The following ABLIM1 variants were observed in gnomAD, a reference collection of about 807,000 sequenced individuals.
ABLIM1 encodes actin-binding LIM protein 1.
In ABLIM1, 40 loss-of-function variants were observed where a neutral mutation model predicts 107.0. The ratio of observed to expected loss-of-function variants is 0.37; its 90% CI spans 0.29 to 0.49. ABLIM1 has a LOEUF of 0.49. Among genes scored for constraint, ABLIM1 ranks in the 20% least tolerant of loss-of-function variants. ABLIM1 has a pLI of 0.97. For synonymous variants in ABLIM1, 357 were observed against 357.3 expected (o/e 1.00, Z 0.01); for missense variants, 857 against 1,008.5 (o/e 0.85, Z 2.04).
the ABLIM1 span, among the ~76,000 whole-genome samples, chr10:114,782,706 G>A: frequency 6.6e-6 from 1 of 152,094 alleles, no homozygotes; most frequent in Non-Finnish European, 1.5e-5. Flanking sequence ...TGGATTCGAG[G>A]GGAAGAAGAA....
Position 114,453,451 on chromosome 10 carries a change from G to C in ABLIM1, c.1474C>G (p.Leu492Val). The C allele has an allele frequency of 6.2e-7, 1 of 1,611,474 alleles. No homozygotes were observed. Among genetic ancestry groups the C allele is most frequent in the Admixed American group, 1.7e-5 (1 of 59,874 alleles). ...GGGCGGCTGTCTGGCCGGTAAGGGA[G>C]AGGGGAGTTCCGGCCGCTGGACGGC... ...NEPSSGRNSPLPYRPDSRPLT... is the reference protein window; with the variant it reads ...NEPSSGRNSPVPYRPDSRPLT... The change falls in exon 13 of 23, where the codon CTC becomes GTC. Residue 492 changes from leucine to valine, a missense_variant. Coordinates refer to ENST00000533213, the MANE Select transcript of ABLIM1 (RefSeq NM_002313.7).
intron 2 of ABLIM1, among the ~76,000 whole-genome samples, chr10:114,588,259 C>G (rs1488982563): frequency 3.3e-5 from 5 of 151,988 alleles, no homozygotes; most frequent in African/African-American, 1.2e-4. Flanking sequence ...GGTACCAGGA[C>G]GTTTCCCATC....
chr10:114,581,349 C>T (rs868186671), intron 2 of ABLIM1, among the ~76,000 whole-genome samples: 83 of 152,276 alleles, frequency 5.5e-4, no homozygotes, highest in African/African-American at 1.9e-3. Flanking sequence ...CTTCTAAAAA[C>T]GGTAGTAACA....
chr10:114,628,333 T>A (rs566262368), intron 1 of ABLIM1, among the ~76,000 whole-genome samples: 347 of 152,352 alleles, frequency 2.3e-3, no homozygotes, highest in Non-Finnish European at 3.9e-3. Flanking sequence ...AAGAAGTCAG[T>A]GCTGCTGGTA....
chr10:114,634,123 A>ATTTTTTTTTTTTTTTTTT (rs1209219359), intron 1 of ABLIM1, among the ~76,000 whole-genome samples: 8 of 68,210 alleles, frequency 1.2e-4, no homozygotes, highest in African/African-American at 2.7e-4. Flanking sequence ...CATTAGCTCA[A>ATTTTTTTTTTTTTTTTTT]TTTTTCTTTT....
At chr10:114,606,209 C>A (rs1238427537) in intron 1 of ABLIM1, among the ~76,000 whole-genome samples, 3 of 152,088 alleles carry the variant, frequency 2.0e-5, no homozygotes, top group Admixed American at 6.6e-5. Flanking sequence ...GTAAATATCA[C>A]AAGCCTGTGA....
chr10:114,653,090 T>C (rs59297131), intron 1 of ABLIM1, among the ~76,000 whole-genome samples: 9,595 of 152,296 alleles, frequency 0.063, 319 homozygotes, highest in Middle Eastern at 0.082. Flanking sequence ...ACCACGAACC[T>C]GGGTGTCAGG....
intron 1 of ABLIM1, among the ~76,000 whole-genome samples, chr10:114,745,691 G>A (rs186718852): frequency 2.6e-4 from 40 of 152,360 alleles, no homozygotes; most frequent in Admixed American, 7.2e-4. Context: ...CCAACATGGT[G>A]AAACCCTGTG....
chr10:114,533,660 T>G (rs1008084693), intron 6 of ABLIM1, among the ~76,000 whole-genome samples: 1 of 151,410 alleles, frequency 6.6e-6, no homozygotes, highest in African/African-American at 2.4e-5. Flanking sequence ...AATTATCGTG[T>G]TTTTGTTGTT....
At chr10:114,718,364 C>T (rs550644323) in intron 1 of ABLIM1, among the ~76,000 whole-genome samples, 2 of 152,160 alleles carry the variant, frequency 1.3e-5, no homozygotes. Context: ...CACGTTTTCT[C>T]TACTGTATAG....
chr10:114,481,675 G>C (rs773246097), intron 8 of ABLIM1, among the ~76,000 whole-genome samples: 5 of 152,196 alleles, frequency 3.3e-5, no homozygotes, highest in Non-Finnish European at 7.3e-5. Context: ...CTTCTCTGGG[G>C]ACAGTTTCAC....
intron 1 of ABLIM1, among the ~76,000 whole-genome samples, chr10:114,683,277 G>A (rs11196871): frequency 0.12 from 18,179 of 152,192 alleles, 1,175 homozygotes; most frequent in African/African-American, 0.17. Flanking sequence ...GTCAACTTTC[G>A]TCTTTCCAGT....
chr10:114,778,568 G>GACACACACACAC, the ABLIM1 span: 4 of 131,422 alleles, frequency 3.0e-5, no homozygotes, highest in East Asian at 4.8e-4. Flanking sequence ...TCATCATCCA[G>GACACACACACAC]ACACACACAC....
chr10:114,552,413 T>A (rs2068172859), intron 4 of ABLIM1, among the ~76,000 whole-genome samples: 1 of 149,918 alleles, frequency 6.7e-6, no homozygotes, highest in South Asian at 2.1e-4. Context: ...AGTAGGTGAA[T>A]ATGCAGTGGC....
intron 1 of ABLIM1, among the ~76,000 whole-genome samples, chr10:114,679,928 T>A: frequency 6.6e-6 from 1 of 152,230 alleles, no homozygotes; most frequent in South Asian, 2.1e-4. Flanking sequence ...ATAGTTGTTA[T>A]CCCCTAATTT....
intron 1 of ABLIM1, among the ~76,000 whole-genome samples, chr10:114,746,458 G>A (rs1450481752): frequency 1.3e-5 from 2 of 152,130 alleles, no homozygotes; most frequent in South Asian, 2.1e-4. Context: ...TATTATGTAC[G>A]TATACCACGT....
intron 6 of ABLIM1, among the ~76,000 whole-genome samples, chr10:114,534,668 A>C (rs1234981817): frequency 1.3e-5 from 2 of 152,154 alleles, no homozygotes; most frequent in Admixed American, 1.3e-4. Context: ...CTCCTAGCAC[A>C]TGCTCAATAA....
intron 12 of ABLIM1, among the ~76,000 whole-genome samples, chr10:114,459,623 C>T (rs993514626): frequency 1.3e-5 from 2 of 151,990 alleles, no homozygotes; most frequent in African/African-American, 4.8e-5. Flanking sequence ...CCCAAAGCAG[C>T]CAATGATTTA....
At chr10:114,553,153 C>G (rs1167133816) in intron 4 of ABLIM1, among the ~76,000 whole-genome samples, 1 of 152,122 alleles carries the variant, frequency 6.6e-6, no homozygotes, top group African/African-American at 2.4e-5. Context: ...TGTGAAGACG[C>G]CTCTCTGGAA....
Sources: allele counts gnomAD v4.1 joint callset (sites outside exome capture counted in the v4.1 genomes callset), GRCh38; gene constraint gnomAD v4.1.1; transcripts MANE v1.5; gene names NCBI Gene and HGNC (gene_info 2026-07-23, HGNC 2026-07-21).